MAGI2: variants seen among roughly 807,000 people sequenced by gnomAD.
MAGI2 encodes the protein membrane associated guanylate kinase, WW and PDZ domain containing 2, also known as membrane-associated guanylate kinase, WW and PDZ domain-containing protein 2.
Under a neutral mutation model 133.3 loss-of-function variants are expected in MAGI2, and 35 were observed. The observed-to-expected ratio is 0.26, with a 90% confidence interval of 0.20 to 0.35. The LOEUF (loss-of-function observed/expected upper bound fraction) is 0.35. MAGI2 is among the 10% of genes least tolerant of loss of function. MAGI2 has a pLI of 1.00. For synonymous variants in MAGI2, 729 were observed against 710.6 expected (o/e 1.03, Z -0.41); for missense variants, 1,636 against 1,863.4 (o/e 0.88, Z 2.25).
chr7:79,168,088 A>G (rs1030118652), intron 1 of MAGI2, among the ~76,000 whole-genome samples: 2 of 152,100 alleles, frequency 1.3e-5, no homozygotes, highest in Non-Finnish European at 2.9e-5. Context: ...AGTTAATCGA[A>G]TATCTATAGA....
At chr7:78,393,565 T>C (rs1283930905) in intron 6 of MAGI2, among the ~76,000 whole-genome samples, 1 of 152,174 alleles carries the variant, frequency 6.6e-6, no homozygotes, top group African/African-American at 2.4e-5. Flanking sequence ...TGAATTTGTT[T>C]TCTTCATAAA....
chr7:79,035,882 T>C (rs1268159218), intron 1 of MAGI2, among the ~76,000 whole-genome samples: 1 of 152,228 alleles, frequency 6.6e-6, no homozygotes, highest in Non-Finnish European at 1.5e-5. Context: ...TCATTAATTT[T>C]GGCTTTAAAA....
intron 9 of MAGI2, among the ~76,000 whole-genome samples, chr7:78,259,765 G>A (rs1793338710): frequency 6.6e-6 from 1 of 152,102 alleles, no homozygotes; most frequent in African/African-American, 2.4e-5. Context: ...CCTCTGCTCT[G>A]CCAGAATTTC....
At chr7:79,056,209 A>T (rs2117029116) in intron 1 of MAGI2, among the ~76,000 whole-genome samples, 1 of 150,780 alleles carries the variant, frequency 6.6e-6, no homozygotes, top group Non-Finnish European at 1.5e-5. Context: ...GTCTGGTGAG[A>T]TTCCATCTCA....
chr7:79,358,709 C>T (rs1842184160), intron 1 of MAGI2, among the ~76,000 whole-genome samples: 1 of 152,154 alleles, frequency 6.6e-6, no homozygotes, highest in African/African-American at 2.4e-5. Flanking sequence ...CCTAGTGATA[C>T]TTGGAAGCCT....
At position 78,192,390 on chromosome 7, in the gene MAGI2, A is replaced by G. The variant is rs2150730699; in HGVS notation, c.2269+2484T>C. ...TATGATCATTGCATTAAAAAAACCT[A>G]TTTGAAGATGATGAGAAACAGACTG... On this transcript the variant is annotated intron_variant, in intron 12 of 21. Coordinates refer to ENST00000354212, the MANE Select transcript of MAGI2 (RefSeq NM_012301.4). 1.3e-5 allele frequency among the ~76,000 whole-genome samples: 2 copies of G among 152,300 alleles called. 1 individual carries two copies. Among genetic ancestry groups the G allele is most frequent in the Middle Eastern group, 6.8e-3 (2 of 294 alleles).
At chr7:78,781,380 C>CAAAAAAAAAA (rs748533885) in intron 2 of MAGI2, among the ~76,000 whole-genome samples, 3 of 101,030 alleles carry the variant, frequency 3.0e-5, no homozygotes, top group Non-Finnish European at 5.8e-5. Context: ...CTCCGTCTCA[C>CAAAAAAAAAA]AAAAAAAAAA....
At chr7:78,512,104 T>C (rs1795648290) in intron 4 of MAGI2, among the ~76,000 whole-genome samples, 1 of 146,560 alleles carries the variant, frequency 6.8e-6, no homozygotes, top group Non-Finnish European at 1.5e-5. Context: ...GCCTGGGTGA[T>C]GGAGCGAGAC....
chr7:78,198,642 T>C (rs1828959215), intron 11 of MAGI2, among the ~76,000 whole-genome samples: 2 of 152,098 alleles, frequency 1.3e-5, no homozygotes, highest in Non-Finnish European at 2.9e-5. Flanking sequence ...ATGTTGGCCA[T>C]GCTTGTGGCT....
chr7:79,028,102 C>T (rs1375793005), intron 1 of MAGI2, among the ~76,000 whole-genome samples: 1 of 151,224 alleles, frequency 6.6e-6, no homozygotes, highest in African/African-American at 2.4e-5. Flanking sequence ...GTCCCAACTA[C>T]TCAGCAGGCT....
intron 3 of MAGI2, chr7:78,616,545 A>G (rs1328736751): frequency 6.6e-6 from 1 of 151,342 alleles, no homozygotes; most frequent in Admixed American, 6.6e-5. Context: ...GGAAAACCAC[A>G]CTATGGGAAT....
chr7:78,721,120 A>G (rs1183096640), intron 2 of MAGI2, among the ~76,000 whole-genome samples: 1 of 152,000 alleles, frequency 6.6e-6, no homozygotes, highest in Non-Finnish European at 1.5e-5. Flanking sequence ...TTACATAACC[A>G]AGAAAAAAAT....
intron 9 of MAGI2, among the ~76,000 whole-genome samples, chr7:78,335,913 A>G (rs544225511): frequency 3.9e-5 from 6 of 152,338 alleles, no homozygotes; most frequent in Admixed American, 3.3e-4. Flanking sequence ...GTAAAACTCC[A>G]CTGGGAGGAT....
At chr7:79,043,542 C>CAAAAAAAA (rs58828466) in intron 1 of MAGI2, among the ~76,000 whole-genome samples, 43 of 40,318 alleles carry the variant, frequency 1.1e-3, no homozygotes, top group South Asian at 4.9e-3. Flanking sequence ...GACTCCATCA[C>CAAAAAAAA]AAAAAAAAAA....
chr7:78,789,010 T>C (rs1394905404), intron 2 of MAGI2, among the ~76,000 whole-genome samples: 1 of 152,192 alleles, frequency 6.6e-6, no homozygotes, highest in Non-Finnish European at 1.5e-5. Flanking sequence ...GCATCCTGTC[T>C]AGGGTAGATT....
intron 1 of MAGI2, among the ~76,000 whole-genome samples, chr7:79,402,912 C>T (rs545924975): frequency 2.0e-5 from 3 of 152,286 alleles, no homozygotes; most frequent in African/African-American, 7.2e-5. Flanking sequence ...TTTGGTTCTA[C>T]CCCAGGCTAC....
At chr7:78,558,416 T>A (rs2150729475) in intron 3 of MAGI2, among the ~76,000 whole-genome samples, 1 of 152,226 alleles carries the variant, frequency 6.6e-6, no homozygotes, top group Non-Finnish European at 1.5e-5. Context: ...ATGATGACAA[T>A]CTCTTTCCTA....
intron 1 of MAGI2, among the ~76,000 whole-genome samples, chr7:79,380,084 T>G (rs992450966): frequency 1.3e-5 from 2 of 151,796 alleles, no homozygotes; most frequent in Non-Finnish European, 2.9e-5. Flanking sequence ...GACATAGGCA[T>G]GGGCAAGGAC....
At chr7:78,844,811 AATTGTATCTC>A (rs1792451800) in intron 2 of MAGI2, among the ~76,000 whole-genome samples, 1 of 151,480 alleles carries the variant, frequency 6.6e-6, no homozygotes, top group Non-Finnish European at 1.5e-5. Context: ...ATGGCATATG[AATTGTATCTC>A]AATAAAAATA....
Sources: allele counts gnomAD v4.1 joint callset (sites outside exome capture counted in the v4.1 genomes callset), GRCh38; gene constraint gnomAD v4.1.1; transcripts MANE v1.5; gene names NCBI Gene and HGNC (gene_info 2026-07-23, HGNC 2026-07-21).